SOX5: variants seen among roughly 807,000 people sequenced by gnomAD.
SOX5 encodes SRY-box transcription factor 5, also known as transcription factor SOX-5.
A neutral mutation model predicts 92.0 loss-of-function variants in SOX5; 9 were observed. The observed-to-expected ratio is 0.10, with a 90% CI of 0.06 to 0.17. The LOEUF is 0.17. SOX5 is among the 10% of genes least tolerant of loss of function. SOX5 has a pLI of 1.00. For synonymous variants in SOX5, 344 were observed against 336.3 expected (o/e 1.02, Z -0.25); for missense variants, 642 against 944.5 (o/e 0.68, Z 4.20).
chr12:23,584,938 A>G (rs1950518919), intron 9 of SOX5, among the ~76,000 whole-genome samples: 2 of 152,062 alleles, frequency 1.3e-5, no homozygotes, highest in South Asian at 2.1e-4. Context: ...GACAATTTTC[A>G]TTTTTAAAGT....
chr12:23,843,842 G>A (rs531434116), intron 3 of SOX5, among the ~76,000 whole-genome samples: 9 of 152,006 alleles, frequency 5.9e-5, no homozygotes, highest in Non-Finnish European at 1.2e-4. Context: ...GGGATTATAG[G>A]CATGAGCCAC....
intron 2 of SOX5, among the ~76,000 whole-genome samples, chr12:24,295,853 G>A (rs558436137): frequency 3.3e-5 from 5 of 152,204 alleles, no homozygotes; most frequent in South Asian, 4.1e-4. Context: ...ATGAGCCACC[G>A]CACCTGGCCT....
At chr12:24,522,391 G>A (rs1950339832) in intron 1 of SOX5, among the ~76,000 whole-genome samples, 1 of 151,942 alleles carries the variant, frequency 6.6e-6, no homozygotes, top group South Asian at 2.1e-4. Flanking sequence ...AAATTGAAAA[G>A]GAGGGAACCT....
chr12:23,604,381 G>C lies in SOX5; in HGVS notation c.1164+6C>G, dbSNP rs201369586. On this transcript the variant is annotated splice_donor_region_variant and intron_variant, in intron 9 of 14. Coordinates refer to ENST00000451604, the MANE Select transcript of SOX5 (RefSeq NM_006940.6). ...TGGCAAGACAGTGGCTTCTTCAAAA[G>C]GGTACCTTGCTTTTGGGTGGTGGGC... 11 of 1,613,314 alleles carry C rather than the reference G, an allele frequency of 6.8e-6. No homozygotes were observed. The African/African-American group carries it at 1.2e-4, about 18-fold the overall frequency.
chr12:23,819,764 T>C (rs1005758690), intron 3 of SOX5, among the ~76,000 whole-genome samples: 1 of 152,192 alleles, frequency 6.6e-6, no homozygotes, highest in East Asian at 1.9e-4. Flanking sequence ...AACTCATTTT[T>C]CTTTTTTACG....
intron 2 of SOX5, among the ~76,000 whole-genome samples, chr12:23,888,277 T>C (rs1177499801): frequency 6.6e-6 from 1 of 152,188 alleles, no homozygotes; most frequent in Non-Finnish European, 1.5e-5. Flanking sequence ...CTTTTCAGGC[T>C]AACACATTTC....
At chr12:23,667,686 T>A (rs994472135) in intron 6 of SOX5, among the ~76,000 whole-genome samples, 1 of 151,918 alleles carries the variant, frequency 6.6e-6, no homozygotes, top group African/African-American at 2.4e-5. Context: ...AAGTAGGAGA[T>A]AAAGGAACTG....
At chr12:24,162,401 T>C (rs1304509686) in intron 4 of SOX5, among the ~76,000 whole-genome samples, 1 of 152,186 alleles carries the variant, frequency 6.6e-6, no homozygotes, top group Non-Finnish European at 1.5e-5. Context: ...GTAAGTCTGA[T>C]ATCAGGGTTG....
intron 8 of SOX5, among the ~76,000 whole-genome samples, chr12:23,613,149 A>C (rs2076161025): frequency 6.6e-6 from 1 of 152,198 alleles, no homozygotes; most frequent in South Asian, 2.1e-4. Flanking sequence ...ATACCAGGAC[A>C]GAAGTACAGA....
At chr12:23,855,499 ATTGT>A (rs1400866775) in intron 2 of SOX5, among the ~76,000 whole-genome samples, 2 of 152,068 alleles carry the variant, frequency 1.3e-5, no homozygotes, top group African/African-American at 2.4e-5. Context: ...AGAGTAATGG[ATTGT>A]TTGTGATAAA....
Position 23,908,728 on chromosome 12 carries a change from A to T in SOX5, c.39-12704T>A, listed in dbSNP as rs138572606. On this transcript the variant is annotated intron_variant, in intron 1 of 14. Coordinates refer to ENST00000451604, the MANE Select transcript of SOX5 (RefSeq NM_006940.6). Reference sequence around the variant, plus strand: ...CAAAAGTAAGGGTGCAGTGCCAAAGACGATGAGCATCTATCAACCCAAACT... The same window carrying T: ...CAAAAGTAAGGGTGCAGTGCCAAAGTCGATGAGCATCTATCAACCCAAACT... Among the ~76,000 whole-genome samples, 9 of 152,144 alleles carry T rather than the reference A, an allele frequency of 5.9e-5. No individual in the cohort carries two copies. In the East Asian group the frequency reaches 1.7e-3, roughly 29 times the overall value.
chr12:24,170,877 C>G (rs1367165731), intron 4 of SOX5, among the ~76,000 whole-genome samples: 2 of 152,188 alleles, frequency 1.3e-5, no homozygotes, highest in Non-Finnish European at 2.9e-5. Context: ...ACTTCATCTA[C>G]AACATCGTTA....
At chr12:24,439,512 TG>T (rs1157209607) in intron 1 of SOX5, among the ~76,000 whole-genome samples, 1 of 152,180 alleles carries the variant, frequency 6.6e-6, no homozygotes, top group East Asian at 1.9e-4. Flanking sequence ...TTCACTCAAG[TG>T]GAAGTGAAAT....
At chr12:24,537,961 T>A (rs953157467) in intron 1 of SOX5, among the ~76,000 whole-genome samples, 3 of 152,234 alleles carry the variant, frequency 2.0e-5, no homozygotes, top group African/African-American at 4.8e-5. Context: ...GATTGATGTT[T>A]CCTTTTATTT....
rs568065115 is a variant in SOX5, at chr12:24,206,086, C to T, written c.-2+7257G>A. ...GCACATGATACCTGGGTCCAATCTG[C>T]CCTCATTTTGTATATAAGTAAAAAT... On this transcript the variant is annotated intron_variant, in intron 4 of 4. Transcript: ENST00000446891. Among the ~76,000 whole-genome samples, 4 of 152,262 alleles carry T rather than the reference C, an allele frequency of 2.6e-5. No homozygotes were observed. In the South Asian group the frequency reaches 6.2e-4, roughly 24 times the overall value.
chr12:24,022,695 C>G (rs1954439510), intron 4 of SOX5, among the ~76,000 whole-genome samples: 1 of 152,060 alleles, frequency 6.6e-6, no homozygotes, highest in Non-Finnish European at 1.5e-5. Flanking sequence ...CATACACATG[C>G]CCATGCCTAA....
intron 3 of SOX5, among the ~76,000 whole-genome samples, chr12:24,213,604 T>G (rs1052155308): frequency 7.8e-6 from 1 of 128,678 alleles, no homozygotes; most frequent in Admixed American, 7.4e-5. Context: ...TATAATAATT[T>G]TTTTTTTTTC....
At chr12:23,880,926 G>GT (rs1224706391) in intron 2 of SOX5, among the ~76,000 whole-genome samples, 1 of 152,086 alleles carries the variant, frequency 6.6e-6, no homozygotes, top group Non-Finnish European at 1.5e-5. Context: ...GAATAAAATC[G>GT]TTTTTTCTAC....
chr12:24,263,980 T>G (rs78284269), intron 3 of SOX5, among the ~76,000 whole-genome samples: 3,920 of 152,286 alleles, frequency 0.026, 74 homozygotes, highest in Non-Finnish European at 0.041. Context: ...TTCCAAAAAC[T>G]TTTTACACCA....
Sources: allele counts gnomAD v4.1 joint callset (sites outside exome capture counted in the v4.1 genomes callset), GRCh38; gene constraint gnomAD v4.1.1; transcripts MANE v1.5; gene names NCBI Gene and HGNC (gene_info 2026-07-23, HGNC 2026-07-21).